Variants in SLC25A16 observed in about 807,000 individuals in gnomAD.
The protein encoded by SLC25A16 is solute carrier family 25 member 16.
Under a neutral mutation model 41.5 loss-of-function variants are expected in SLC25A16, and 39 were observed. The observed-to-expected ratio is 0.94, with a 90% confidence interval of 0.73 to 1.23. The LOEUF is 1.23. Ranked by LOEUF, SLC25A16 falls within the 50% of genes most tolerant of loss-of-function variation. The probability of loss-of-function intolerance (pLI) is 0.00; values close to 1 mark genes in which losing one functional copy is unlikely to be tolerated. For synonymous variants in SLC25A16, 146 were observed against 147.8 expected (o/e 0.99, Z 0.09); for missense variants, 421 against 426.9 (o/e 0.99, Z 0.12).
chr10:68,488,494 A>G lies in SLC25A16; in HGVS notation c.746T>C (p.Val249Ala). 1 of 1,560,556 alleles carries G rather than the reference A, an allele frequency of 6.4e-7. No homozygotes were observed. Among genetic ancestry groups the G allele is most frequent in the East Asian group, 2.3e-5 (1 of 43,090 alleles). The change falls in exon 7 of 9, where the codon GTT (valine) becomes GCT (alanine). Residue 249 changes from valine (V) to alanine (A), a missense_variant. Val to Ala is a moderately conservative substitution (Grantham distance 64). Coordinates refer to ENST00000609923, the MANE Select transcript of SLC25A16 (RefSeq NM_152707.4). ...TATTGTCTGCGCTATTGCTCCAGCA[A>G]CACCACCACAAAGTAAGTTTACATG... Reference protein sequence around the residue: ...KTHVNLLCGGVAGAIAQTISY... With the variant: ...KTHVNLLCGGAAGAIAQTISY...
rs987662102 is a variant in SLC25A16 at position 68,527,282 on chromosome 10, T to C, written c.94A>G (p.Arg32Gly). The stretch of plus-strand genomic sequence containing the variant: ...AAGGAGCGCAGCCAGTAGAAGTCTC[T>C]GCGGGTTGTGGGCCCTCCGGCCCCT... ...AAGAGGPTTRRDFYWLRSFLA... is the reference protein window; with the variant it reads ...AAGAGGPTTRGDFYWLRSFLA... The change falls in exon 1 of 9, where the codon AGA becomes GGA. Residue 32 changes from arginine to glycine, a missense_variant. Transcript: ENST00000609923. 6.5e-6 allele frequency: 10 copies of C among 1,548,056 alleles called. No individual in the cohort carries two copies. The highest frequency in any genetic ancestry group is 7.9e-6 in the Non-Finnish European group (9 of 1,145,802).
chr10:68,494,339 G>A lies in SLC25A16; in HGVS notation c.422-769C>T, dbSNP rs1260860496. Among the ~76,000 whole-genome samples the A allele has an allele frequency of 2.8e-5, 4 of 141,412 alleles. No homozygotes were observed. In the Admixed American group the frequency reaches 2.9e-4, roughly 10 times the overall value. 92.8% of individuals were successfully genotyped at this position (141,412 alleles called of 152,430 possible). On this transcript the variant is annotated intron_variant, in intron 4 of 8. Coordinates refer to ENST00000609923, the MANE Select transcript of SLC25A16 (RefSeq NM_152707.4). The stretch of plus-strand genomic sequence containing the variant: ...TAGCTGGGTGTGGCGGCACATTCCT[G>A]TAGTCCCAGCTAGTCGAGAGGCTGA...
chr10:68,525,063 CA>C (rs932477823), intron 1 of SLC25A16, among the ~76,000 whole-genome samples: 1 of 151,472 alleles, frequency 6.6e-6, no homozygotes, highest in Non-Finnish European at 1.5e-5. Context: ...ACAACAACAA[CA>C]AAAAAAACTT....
At chr10:68,505,224 C>T (rs187203520) in intron 3 of SLC25A16, among the ~76,000 whole-genome samples, 349 of 152,094 alleles carry the variant, frequency 2.3e-3, no homozygotes, top group African/African-American at 8.1e-3. Context: ...TGGCACATGC[C>T]TCTAGTGCCA....
At chr10:68,493,079 A>AT in intron 6 of SLC25A16, 53 bp downstream of exon 6, 4 of 994,822 alleles carry the variant, frequency 4.0e-6, no homozygotes, top group Non-Finnish European at 4.6e-6. Flanking sequence ...AAAAAAAAAA[A>AT]GGTAACAAAT....
intron 2 of SLC25A16, among the ~76,000 whole-genome samples, chr10:68,512,244 T>C (rs564738431): frequency 1.3e-3 from 201 of 152,074 alleles, no homozygotes; most frequent in African/African-American, 4.5e-3. Context: ...CTTGGCAACA[T>C]AGCAAGACCT....
chr10:68,501,499 A>C (rs926546735), intron 4 of SLC25A16, among the ~76,000 whole-genome samples: 7 of 151,798 alleles, frequency 4.6e-5, no homozygotes, highest in Non-Finnish European at 1.0e-4. Context: ...ACAAAAACAA[A>C]AAAAAAAGGA....
chr10:68,488,391 T>C, intron 7 of SLC25A16, 76 bp downstream of exon 7: 1 of 1,070,638 alleles, frequency 9.3e-7, no homozygotes, highest in Non-Finnish European at 1.3e-6. Flanking sequence ...TTAGAAAAAA[T>C]AAATGATTAA....
chr10:68,492,142 A>G (rs746642450), intron 6 of SLC25A16, among the ~76,000 whole-genome samples: 1 of 152,138 alleles, frequency 6.6e-6, no homozygotes, highest in Non-Finnish European at 1.5e-5. Context: ...ATACTTACAC[A>G]AAAAAGGTAG....
intron 2 of SLC25A16, among the ~76,000 whole-genome samples, chr10:68,507,963 G>A (rs1444304177): frequency 6.6e-6 from 1 of 152,226 alleles, no homozygotes; most frequent in Non-Finnish European, 1.5e-5. Context: ...TTGCGTGGTG[G>A]CTCATGCCTG....
intron 1 of SLC25A16, among the ~76,000 whole-genome samples, chr10:68,521,768 T>G (rs972382541): frequency 1.5e-4 from 22 of 151,378 alleles, no homozygotes; most frequent in African/African-American, 4.8e-4. Context: ...TAATTTTTTG[T>G]ATTTTTTTTT....
At chr10:68,507,323 G>A (rs569410606) in intron 2 of SLC25A16, among the ~76,000 whole-genome samples, 404 of 151,792 alleles carry the variant, frequency 2.7e-3, no homozygotes, top group Non-Finnish European at 4.1e-3. Flanking sequence ...CACCCGTCTC[G>A]GCCTCCCAAA....
chr10:68,514,298 C>G (rs1207097470), intron 2 of SLC25A16, among the ~76,000 whole-genome samples: 1 of 152,098 alleles, frequency 6.6e-6, no homozygotes, highest in Admixed American at 6.6e-5. Context: ...AGTTCCAGAC[C>G]AGCCTGGCCA....
intron 1 of SLC25A16, among the ~76,000 whole-genome samples, chr10:68,519,531 T>C (rs1048585299): frequency 1.4e-4 from 21 of 151,610 alleles, no homozygotes. Flanking sequence ...TCCAAAATTA[T>C]GGGTAAACTA....
chr10:68,510,012 G>A (rs1206016734), intron 2 of SLC25A16, among the ~76,000 whole-genome samples: 6 of 151,960 alleles, frequency 3.9e-5, no homozygotes, highest in African/African-American at 1.2e-4. Flanking sequence ...AGGAGGCAGA[G>A]GTTGCAGTGA....
chr10:68,502,635 G>T (rs960438244), intron 4 of SLC25A16, among the ~76,000 whole-genome samples: 2 of 149,420 alleles, frequency 1.3e-5, no homozygotes, highest in Non-Finnish European at 3.0e-5. Context: ...GGGAGGCTGA[G>T]ATAGGAGGAT....
At chr10:68,487,288 T>TAAA in intron 7 of SLC25A16, 76 bp from the exon 8 acceptor site, 1 of 1,051,650 alleles carries the variant, frequency 9.5e-7, no homozygotes, top group Non-Finnish European at 1.5e-6. Context: ...CAAAGCCCTA[T>TAAA]AAATTCAAAG....
chr10:68,488,205 A>G (rs1234329902), intron 7 of SLC25A16, among the ~76,000 whole-genome samples: 3 of 151,840 alleles, frequency 2.0e-5, no homozygotes. Context: ...CTGGCCTCAA[A>G]CTCCTGGGCT....
intron 2 of SLC25A16, among the ~76,000 whole-genome samples, chr10:68,512,722 T>C (rs10998239): frequency 0.04 from 5,986 of 150,706 alleles, 284 homozygotes; most frequent in South Asian, 0.17. Context: ...TATTTCAAAG[T>C]ACAGACTTCC....
Sources: gnomAD v4.1 joint callset for allele counts (sites outside exome capture counted in the v4.1 genomes callset) on GRCh38, gnomAD v4.1.1 for gene constraint, MANE v1.5 for transcripts, NCBI Gene and HGNC (gene_info 2026-07-23, HGNC 2026-07-21) for gene names.